The following TCF20 variants were observed in gnomAD, a reference collection of about 807,000 sequenced individuals.
The protein encoded by TCF20 is SPRE-binding protein.
TCF20 carries 3 observed loss-of-function variants against 148.6 expected under a neutral mutation model. The observed-to-expected ratio is 0.02, with a 90% CI of 0.01 to 0.05. The LOEUF is 0.05. Among genes scored for constraint, TCF20 ranks in the 10% least tolerant of loss-of-function variants. The pLI is 1.00. For synonymous variants in TCF20, 1,049 were observed against 909.5 expected, an observed-to-expected ratio of 1.15 and a Z score of -2.76; for missense variants, 2,350 against 2,429.3, an observed-to-expected ratio of 0.97 and a Z score of 0.69.
intron 2 of TCF20, among the ~76,000 whole-genome samples, chr22:42,194,788 C>T (rs1937511595): frequency 6.6e-6 from 1 of 151,906 alleles, no homozygotes; most frequent in South Asian, 2.1e-4. Context: ...ACGCTTCAAA[C>T]CCCCCAAGTC....
chr22:42,211,597 G>A lies in TCF20; in HGVS notation c.3709C>T (p.Leu1237=), dbSNP rs761908651. ...TGATCCTCCTGGCCTGGAAGTCTCA[G>A]CATAACACTACCAGGTTTGGATGAC... is the stretch of plus-strand genomic sequence containing the variant. ...TQSSKPGSVM[L]RLPGQEDHSS... The change falls in exon 2 of 6, where the codon CTG becomes TTG. Residue 1237 remains leucine, a synonymous_variant. Coordinates refer to ENST00000677622, the MANE Select transcript of TCF20 (RefSeq NM_001378418.1). 8 of 1,614,108 alleles carry A rather than the reference G, an allele frequency of 5.0e-6. No individual in the cohort carries two copies. The African/African-American group carries it at 6.7e-5, about 13-fold the overall frequency.
Position 42,212,862 on chromosome 22 carries a change from G to C in TCF20, c.2444C>G (p.Pro815Arg). ...TTTCCTTTCCCAGGGGCCCCAGTGG[G>C]GATTTTCTAATAGAGACCCAATGCT... The part of the protein sequence containing the change: ...NKSIGSLLEN[P>R]HWGPWERKSS... Residue 815 changes from proline (P) to arginine (R), a missense_variant, in exon 2 of 6, where the codon CCC becomes CGC. Around this residue, in one of 7 missense-constraint regions of TCF20, gnomAD observed 1,641 missense variants for 1,662.6 expected, o/e 0.99. Coordinates refer to ENST00000677622, the MANE Select transcript of TCF20 (RefSeq NM_001378418.1). 1 of 1,614,164 alleles carries C rather than the reference G, an allele frequency of 6.2e-7. No homozygotes were observed. Among genetic ancestry groups the C allele is most frequent in the Non-Finnish European group, 8.5e-7 (1 of 1,180,022 alleles).
chr22:42,206,614 G>A (rs1319344834), intron 2 of TCF20, among the ~76,000 whole-genome samples: 1 of 152,066 alleles, frequency 6.6e-6, no homozygotes. Flanking sequence ...AACTTCTTAG[G>A]GGAAGTGAAT....
At chr22:42,237,610 AATT>A (rs1945309173) in intron 1 of TCF20, among the ~76,000 whole-genome samples, 1 of 152,218 alleles carries the variant, frequency 6.6e-6, no homozygotes, top group African/African-American at 2.4e-5. Flanking sequence ...CCACTAGAGG[AATT>A]ATTATGTATA....
chr22:42,273,213 A>T (rs1020441256), upstream of TCF20, among the ~76,000 whole-genome samples: 10 of 151,700 alleles, frequency 6.6e-5, no homozygotes, highest in African/African-American at 2.4e-4. Context: ...TACAAAAATT[A>T]GCTGGGCGTG....
At chr22:42,323,834 C>T (rs930108766) in intron 1 of TCF20, among the ~76,000 whole-genome samples, 3 of 121,424 alleles carry the variant, frequency 2.5e-5, no homozygotes, top group Non-Finnish European at 3.6e-5. Flanking sequence ...GCGGTGGTCG[C>T]GGTGGTGGTA....
At chr22:42,316,886 T>C (rs554650770) in intron 1 of TCF20, among the ~76,000 whole-genome samples, 8 of 152,266 alleles carry the variant, frequency 5.3e-5, no homozygotes, top group Admixed American at 5.2e-4. Context: ...TCTGGTCTCA[T>C]CTCCACCACT....
At position 42,198,022 on chromosome 22, in the gene TCF20, A is replaced by G. The variant is rs532639941; in HGVS notation, c.5655+11629T>C. On this transcript the variant is annotated intron_variant, in intron 2 of 5. Transcript: ENST00000677622. ...CTTGACCTAGCAGTTCAACAGCCAT[A>G]AATTTTTCTTTAAATCGAAAAATAA... Among the ~76,000 whole-genome samples the G allele has an allele frequency of 3.3e-3, 503 of 152,340 alleles. 4 individuals carry two copies. The highest frequency in any genetic ancestry group is 0.012 in the African/African-American group (490 of 41,576).
At chr22:42,168,844 G>A in intron 4 of TCF20, 108 bp from the exon 5 acceptor site, 1 of 1,404,658 alleles carries the variant, frequency 7.1e-7, no homozygotes, top group Non-Finnish European at 9.4e-7. Flanking sequence ...GAAAGAAAAG[G>A]CAGAGTCAGT....
chr22:42,267,626 G>A lies in TCF20; in HGVS notation c.-37+2713C>T, dbSNP rs1002570868. On this transcript the variant is annotated intron_variant, in intron 1 of 5. Transcript: ENST00000677622. ...TGAGGTGGGAGAATTGCTTGAACCC[G>A]GGAGGCGGAGGTTACAGTGGGCCGA... Among the ~76,000 whole-genome samples the A allele has an allele frequency of 3.3e-5, 5 of 152,086 alleles. 1 individual carries two copies. The South Asian group carries it at 8.3e-4, about 25-fold the overall frequency.
At chr22:42,165,120 A>C (rs1229959354) in intron 5 of TCF20, among the ~76,000 whole-genome samples, 1 of 152,142 alleles carries the variant, frequency 6.6e-6, no homozygotes, top group Non-Finnish European at 1.5e-5. Flanking sequence ...GCTGGTGGGG[A>C]AGGAAAGTGG....
chr22:42,215,192 G>A lies in TCF20; in HGVS notation c.114C>T (p.Phe38=). The change falls in exon 2 of 6, where the codon TTC becomes TTT. Residue 38 remains phenylalanine, a synonymous_variant. Coordinates refer to ENST00000677622, the MANE Select transcript of TCF20 (RefSeq NM_001378418.1). ...EEFSPRQAQM[F]QNFGGTGGSS... ...TGCCACCTGTACCTCCAAAATTCTG[G>A]AACATCTGGGCCTGACGAGGGCTGA... 1 of 1,614,170 alleles carries A rather than the reference G, an allele frequency of 6.2e-7. No individual in the cohort carries two copies. The highest frequency in any genetic ancestry group is 8.5e-7 in the Non-Finnish European group (1 of 1,180,028).
intron 1 of TCF20, among the ~76,000 whole-genome samples, chr22:42,331,897 T>C (rs1024436805): frequency 6.6e-6 from 1 of 152,158 alleles, no homozygotes; most frequent in Non-Finnish European, 1.5e-5. Flanking sequence ...TCACGGAATG[T>C]AGTGGAAAGA....
chr22:42,259,823 G>C (rs1925934354), intron 1 of TCF20, among the ~76,000 whole-genome samples: 2 of 152,182 alleles, frequency 1.3e-5, no homozygotes, highest in Admixed American at 6.6e-5. Flanking sequence ...GAGAGGAAAA[G>C]GGAGATAAAC....
At chr22:42,207,841 C>A (rs555825040) in intron 2 of TCF20, among the ~76,000 whole-genome samples, 74 of 151,788 alleles carry the variant, frequency 4.9e-4, no homozygotes, top group African/African-American at 1.8e-3. Flanking sequence ...ATCAAGACAT[C>A]TGAAGAACCT....
rs994384730 is a variant in TCF20, at chr22:42,299,347, G to A, written c.-37+44132C>T. 1.3e-5 allele frequency among the ~76,000 whole-genome samples: 2 copies of A among 152,030 alleles called. No individual in the cohort carries two copies. Among genetic ancestry groups the A allele is most frequent in the African/African-American group, 4.8e-5 (2 of 41,360 alleles). ...TCCCCACATCCAGCCCCCTGCTCTG[G>A]CACTCTCTCCATCTGCCTCTCACAC... On this transcript the variant is annotated intron_variant, in intron 1 of 1. Coordinates refer to the TCF20 transcript ENST00000515426. This position sits in a 1 kb window ranked among gnomAD's most constrained non-coding sequence, Gnocchi z 4.1.
intron 3 of TCF20, among the ~76,000 whole-genome samples, chr22:42,178,824 C>G (rs2413684): frequency 1.3e-5 from 2 of 150,916 alleles, no homozygotes; most frequent in African/African-American, 2.4e-5. Flanking sequence ...ATGATCCACC[C>G]GCCCGGCCTA....
At position 42,243,292 on chromosome 22, in the gene TCF20, C is replaced by CAAAAAAAAAAAAAAAAAAAAAAAAAAAA. The variant is rs3045578; in HGVS notation, c.-37+27019_-37+27046dup. ...TGGCTGGCAGAGCAAGACACTGTCT[C>CAAAAAAAAAAAAAAAAAAAAAAAAAAAA]AAAAAAAAAAAAAAAAAAAAAAAAA... On this transcript the variant is annotated intron_variant, in intron 1 of 5. Coordinates refer to ENST00000677622, the MANE Select transcript of TCF20 (RefSeq NM_001378418.1). 1.0e-4 allele frequency among the ~76,000 whole-genome samples: 4 copies of CAAAAAAAAAAAAAAAAAAAAAAAAAAAA among 39,502 alleles called. 1 individual carries two copies. The highest frequency in any genetic ancestry group is 8.5e-5 in the African/African-American group (1 of 11,758). The allele number at this position is 39,502 out of a possible 152,430, so 25.9% of individuals were successfully genotyped here. A position where few individuals can be genotyped will look rare whatever the true frequency, so the allele number is the denominator to read the frequency against.
intron 1 of TCF20, among the ~76,000 whole-genome samples, chr22:42,302,411 G>T (rs994073848): frequency 6.6e-6 from 1 of 152,172 alleles, no homozygotes; most frequent in Non-Finnish European, 1.5e-5. Flanking sequence ...CTTGGTGGGG[G>T]AGGTGAGAGG....
Sources: gnomAD v4.1 joint callset for allele counts (sites outside exome capture counted in the v4.1 genomes callset) on GRCh38, gnomAD v4.1.1 for gene constraint, gnomAD v4.1.1 regional missense constraint, Gnocchi (gnomAD v3.1) non-coding constraint, MANE v1.5 for transcripts, NCBI Gene and HGNC (gene_info 2026-07-23, HGNC 2026-07-21) for gene names.